Variants in MIPOL1 observed in about 807,000 individuals in gnomAD.
The protein encoded by MIPOL1 is mirror-image polydactyly 1, also known as mirror-image polydactyly gene 1 protein.
A neutral mutation model predicts 60.9 loss-of-function variants in MIPOL1; 57 were observed. The ratio of observed to expected loss-of-function variants is 0.94; its 90% CI spans 0.76 to 1.17. The LOEUF is 1.17. MIPOL1 is among the 50% of genes most tolerant of loss of function. The probability of loss-of-function intolerance (pLI) is 0.00; values close to 1 mark genes in which losing one functional copy is unlikely to be tolerated. For missense variants in MIPOL1, 551 were observed against 511.6 expected (o/e 1.08, Z -0.74); for synonymous variants, 179 against 168.8 (o/e 1.06, Z -0.47).
intron 1 of MIPOL1, among the ~76,000 whole-genome samples, chr14:37,244,022 C>T (rs1423486612): frequency 4.0e-5 from 6 of 149,688 alleles, no homozygotes; most frequent in African/African-American, 1.5e-4. Flanking sequence ...ATTGAGATTC[C>T]TATGTACCTA....
chr14:37,308,731 G>C (rs2087007448), intron 9 of MIPOL1, among the ~76,000 whole-genome samples: 1 of 151,942 alleles, frequency 6.6e-6, no homozygotes, highest in Non-Finnish European at 1.5e-5. Context: ...AAAATTTAAT[G>C]CAGTCTCATT....
At chr14:37,409,521 C>T (rs1417499574) in intron 10 of MIPOL1, among the ~76,000 whole-genome samples, 1 of 152,188 alleles carries the variant, frequency 6.6e-6, no homozygotes, top group Admixed American at 6.5e-5. Context: ...GGCGCAGTGG[C>T]TCACACCTGT....
intron 11 of MIPOL1, among the ~76,000 whole-genome samples, chr14:37,425,957 A>C (rs1259415227): frequency 6.6e-6 from 1 of 152,218 alleles, no homozygotes; most frequent in East Asian, 1.9e-4. Flanking sequence ...GAAGCATAGC[A>C]ATTTGGACAA....
In MIPOL1 at chr14:37,357,837, T is replaced by C. The variant is rs1292984407; in HGVS notation, c.829-11680T>C. On this transcript the variant is annotated intron_variant, in intron 9 of 12. Transcript: ENST00000684589. Reference sequence around the variant, plus strand: ...GTATTGCTCAAGAAATATTTTTTTCTTTTTTTGTTTTTTTAATTATACTTT... The same window carrying C: ...GTATTGCTCAAGAAATATTTTTTTCCTTTTTTGTTTTTTTAATTATACTTT... Among the ~76,000 whole-genome samples, 3 of 152,092 alleles carry C rather than the reference T, an allele frequency of 2.0e-5. No homozygotes were observed. In the East Asian group the frequency reaches 5.8e-4, roughly 29 times the overall value.
intron 10 of MIPOL1, among the ~76,000 whole-genome samples, chr14:37,398,568 A>G (rs1157744922): frequency 6.6e-6 from 1 of 152,200 alleles, no homozygotes. Context: ...TAGCCATTTT[A>G]GGCACATTTC....
intron 9 of MIPOL1, among the ~76,000 whole-genome samples, chr14:37,340,312 CAAAG>C (rs1191724709): frequency 1.3e-5 from 2 of 151,944 alleles, no homozygotes; most frequent in Non-Finnish European, 2.9e-5. Flanking sequence ...AAAGAAGATA[CAAAG>C]AAAGAAAAGA....
In MIPOL1 at chr14:37,348,777, G is replaced by A. The variant is rs377229082; in HGVS notation, c.829-20740G>A. Reference sequence around the variant, plus strand: ...CAACAACCTCCAGACTAGACTTCTTGCATCTTCCTTCTCCTTCCCTTCCCT... The same window carrying A: ...CAACAACCTCCAGACTAGACTTCTTACATCTTCCTTCTCCTTCCCTTCCCT... On this transcript the variant is annotated intron_variant, in intron 9 of 12. Transcript: ENST00000684589. Among the ~76,000 whole-genome samples the A allele has an allele frequency of 8.0e-5, 12 of 150,818 alleles. 1 individual carries two copies. The highest frequency in any genetic ancestry group is 2.9e-4 in the African/African-American group (12 of 40,962).
chr14:37,508,874 A>G (rs554265186), intron 12 of MIPOL1, among the ~76,000 whole-genome samples: 1 of 152,214 alleles, frequency 6.6e-6, no homozygotes, highest in African/African-American at 2.4e-5. Flanking sequence ...AATGCAGTCA[A>G]CTTTTAGAAT....
chr14:37,416,691 A>G (rs1038784356), intron 10 of MIPOL1, among the ~76,000 whole-genome samples: 2 of 152,166 alleles, frequency 1.3e-5, no homozygotes, highest in Non-Finnish European at 2.9e-5. Context: ...TATGACAAAG[A>G]AAAAGAAAAC....
At chr14:37,403,536 A>G (rs905754997) in intron 10 of MIPOL1, among the ~76,000 whole-genome samples, 1 of 145,116 alleles carries the variant, frequency 6.9e-6, no homozygotes, top group Non-Finnish European at 1.5e-5. Context: ...TTGGCCTCCT[A>G]AAGTGCTGGG....
intron 4 of MIPOL1, among the ~76,000 whole-genome samples, chr14:37,267,802 G>T (rs1462030231): frequency 1.3e-5 from 2 of 152,290 alleles, no homozygotes; most frequent in East Asian, 3.9e-4. Flanking sequence ...ATTCATGAAA[G>T]TAAAAAACTG....
At chr14:37,290,543 T>C (rs1486441921) in intron 7 of MIPOL1, among the ~76,000 whole-genome samples, 3 of 152,096 alleles carry the variant, frequency 2.0e-5, no homozygotes, top group Non-Finnish European at 2.9e-5. Flanking sequence ...TGTGTTTGTC[T>C]GTCTTTTTTT....
intron 10 of MIPOL1, among the ~76,000 whole-genome samples, chr14:37,407,165 T>C (rs1320235794): frequency 6.6e-6 from 1 of 152,150 alleles, no homozygotes; most frequent in Admixed American, 6.5e-5. Flanking sequence ...GGACAAGAGC[T>C]AAAAATTGGA....
intron 11 of MIPOL1, among the ~76,000 whole-genome samples, chr14:37,459,753 T>C (rs915799306): frequency 2.0e-5 from 3 of 152,082 alleles, no homozygotes; most frequent in Non-Finnish European, 4.4e-5. Flanking sequence ...CTAAAAAGCA[T>C]AGATGTAAAA....
intron 12 of MIPOL1, among the ~76,000 whole-genome samples, chr14:37,500,606 A>G (rs1430525958): frequency 6.6e-6 from 1 of 152,214 alleles, no homozygotes; most frequent in Non-Finnish European, 1.5e-5. Context: ...GAAGTATTCA[A>G]TACTGCTTTT....
intron 11 of MIPOL1, among the ~76,000 whole-genome samples, chr14:37,473,501 G>A (rs2094720521): frequency 6.6e-6 from 1 of 152,004 alleles, no homozygotes; most frequent in Non-Finnish European, 1.5e-5. Flanking sequence ...TACTGAATTT[G>A]GTTAGCCAAA....
At chr14:37,288,331 AAGAG>A (rs2084762720) in intron 7 of MIPOL1, among the ~76,000 whole-genome samples, 1 of 152,068 alleles carries the variant, frequency 6.6e-6, no homozygotes, top group African/African-American at 2.4e-5. Flanking sequence ...AAATGCAAAA[AAGAG>A]AGATAGGGAG....
At chr14:37,538,023 C>T (rs1284463240) in intron 12 of MIPOL1, among the ~76,000 whole-genome samples, 3 of 152,106 alleles carry the variant, frequency 2.0e-5, no homozygotes, top group Non-Finnish European at 4.4e-5. Context: ...GATATAAGTG[C>T]TTCTGGATGA....
intron 10 of MIPOL1, among the ~76,000 whole-genome samples, chr14:37,384,250 A>T (rs2093005698): frequency 6.6e-6 from 1 of 151,940 alleles, no homozygotes; most frequent in Non-Finnish European, 1.5e-5. Context: ...TCTGAAAAAG[A>T]TGGCAAAACT....
Sources: allele counts gnomAD v4.1 joint callset (sites outside exome capture counted in the v4.1 genomes callset), GRCh38; gene constraint gnomAD v4.1.1; transcripts MANE v1.5; gene names NCBI Gene and HGNC (gene_info 2026-07-23, HGNC 2026-07-21).